GOLGA4: variants seen among roughly 807,000 people sequenced by gnomAD.
GOLGA4 encodes the protein golgin subfamily A member 4.
In GOLGA4, 169 loss-of-function variants were observed where a neutral mutation model predicts 265.9. The observed-to-expected ratio is 0.64, with a 90% confidence interval of 0.56 to 0.72. The LOEUF (loss-of-function observed/expected upper bound fraction) is 0.72, where lower values mean the gene tolerates loss of function less well. Among genes scored for constraint, GOLGA4 ranks in the 30% least tolerant of loss-of-function variants. GOLGA4 has a pLI of 0.00. For missense variants in GOLGA4, 2,482 were observed against 2,483.4 expected, an observed-to-expected ratio of 1.00 and a Z score of 0.01; for synonymous variants, 923 against 855.8, an observed-to-expected ratio of 1.08 and a Z score of -1.37.
chr3:37,345,646 A>G (rs556044780), intron 20 of GOLGA4, among the ~76,000 whole-genome samples: 1 of 152,334 alleles, frequency 6.6e-6, no homozygotes, highest in East Asian at 1.9e-4. Flanking sequence ...TCAAGAAGAG[A>G]CACAAGTATT....
At chr3:37,335,221 T>C in intron 17 of GOLGA4, 55 bp downstream of exon 17, 1 of 920,944 alleles carries the variant, frequency 1.1e-6, no homozygotes, top group Non-Finnish European at 1.7e-6. Flanking sequence ...GTCATTTCTG[T>C]GATTTGACTA....
At chr3:37,281,846 G>T (rs969056110) in intron 2 of GOLGA4, 112 bp from the exon 3 acceptor site, 10 of 775,330 alleles carry the variant, frequency 1.3e-5, no homozygotes, top group African/African-American at 1.7e-5. Flanking sequence ...AAAATGTCAG[G>T]AATATAAATT....
At chr3:37,311,549 TATC>T (rs2096923188) in intron 10 of GOLGA4, among the ~76,000 whole-genome samples, 1 of 152,228 alleles carries the variant, frequency 6.6e-6, no homozygotes, top group South Asian at 2.1e-4. Context: ...TTTAAAGTTC[TATC>T]ATCAGGCTTA....
At chr3:37,345,972 A>G (rs1578820222) in intron 20 of GOLGA4, among the ~76,000 whole-genome samples, 1 of 152,084 alleles carries the variant, frequency 6.6e-6, no homozygotes, top group Non-Finnish European at 1.5e-5. Context: ...TAATCTGCCT[A>G]TTTAATAAAA....
chr3:37,330,545 G>A (rs1408106405), intron 16 of GOLGA4, among the ~76,000 whole-genome samples: 1 of 152,156 alleles, frequency 6.6e-6, no homozygotes, highest in Non-Finnish European at 1.5e-5. Context: ...ACAGGTTACC[G>A]TATACCCTTT....
chr3:37,278,183 T>C (rs1159060609), intron 2 of GOLGA4, among the ~76,000 whole-genome samples: 1 of 151,992 alleles, frequency 6.6e-6, no homozygotes, highest in Non-Finnish European at 1.5e-5. Context: ...AGAGTATGAT[T>C]TAAAATGCAT....
intron 21 of GOLGA4, among the ~76,000 whole-genome samples, chr3:37,351,205 C>T (rs576636298): frequency 6.6e-6 from 1 of 152,260 alleles, no homozygotes; most frequent in African/African-American, 2.4e-5. Context: ...GGAGTAGATT[C>T]CATCTCAAGA....
At chr3:37,359,923 G>C (rs1179908877) in intron 22 of GOLGA4, among the ~76,000 whole-genome samples, 1 of 152,098 alleles carries the variant, frequency 6.6e-6, no homozygotes, top group Non-Finnish European at 1.5e-5. Flanking sequence ...TTGTTTTCTT[G>C]AGATTGGTTT....
At chr3:37,273,826 TG>T (rs2096805578) in intron 2 of GOLGA4, among the ~76,000 whole-genome samples, 2 of 152,168 alleles carry the variant, frequency 1.3e-5, no homozygotes, top group Non-Finnish European at 2.9e-5. Flanking sequence ...GGCCAGGCAC[TG>T]TGGCTCCCGC....
rs1194248800 is a variant in GOLGA4 at position 37,286,172 on chromosome 3, A to G, written c.525+111A>G. 31 of 467,196 alleles carry G rather than the reference A, an allele frequency of 6.6e-5. No individual in the cohort carries two copies. In the Middle Eastern group the frequency reaches 1.9e-3, roughly 29 times the overall value. The allele number at this position is 467,196 out of a possible 1,614,324, so 28.9% of individuals were successfully genotyped here. On this transcript the variant is annotated intron_variant, in intron 4 of 23. Coordinates refer to ENST00000361924, the MANE Select transcript of GOLGA4 (RefSeq NM_002078.5). The stretch of plus-strand genomic sequence containing the variant: ...TTTTTTTTTTTTTTTTTTGAGACGG[A>G]GTCTCGCTCTGTCGCCCAGGCTGGA...
At chr3:37,308,079 A>AC (rs1176085642) in intron 10 of GOLGA4, among the ~76,000 whole-genome samples, 10 of 152,108 alleles carry the variant, frequency 6.6e-5, no homozygotes, top group Non-Finnish European at 8.8e-5. Context: ...CTAAAAATAT[A>AC]AAAATTAGCC....
At chr3:37,333,606 C>G (rs538083033) in intron 16 of GOLGA4, among the ~76,000 whole-genome samples, 4 of 152,202 alleles carry the variant, frequency 2.6e-5, no homozygotes, top group African/African-American at 9.6e-5. Context: ...TTCTTTCAAA[C>G]AAGGCTAAAC....
Position 37,302,226 on chromosome 3 carries a change from C to G in GOLGA4, c.1128C>G (p.Thr376=). The change falls in exon 10 of 24, where the codon ACC becomes ACG. Residue 376 remains threonine (T), a synonymous_variant. Transcript: ENST00000361924. ...IAETKRQMHE[T]LEMKEEEIAQ... Reference sequence around the variant, plus strand: ...AGACAAAACGTCAGATGCATGAAACCCTGGAAATGAAAGAAGAAGAAATTG... The same window carrying G: ...AGACAAAACGTCAGATGCATGAAACGCTGGAAATGAAAGAAGAAGAAATTG... The G allele has an allele frequency of 1.2e-6, 2 of 1,613,170 alleles. No homozygotes were observed. Among genetic ancestry groups the G allele is most frequent in the Non-Finnish European group, 1.7e-6 (2 of 1,179,234 alleles).
intron 23 of GOLGA4, among the ~76,000 whole-genome samples, chr3:37,364,015 G>A (rs1036932180): frequency 6.6e-6 from 1 of 152,060 alleles, no homozygotes; most frequent in Non-Finnish European, 1.5e-5. Context: ...AGGTTCCTAG[G>A]ACCAACATGA....
chr3:37,244,118 C>A, intron 1 of GOLGA4: 1 of 153,618 alleles, frequency 6.5e-6, no homozygotes, highest in East Asian at 1.9e-4. Flanking sequence ...TCTCCTAATT[C>A]CAAACCCAGG....
intron 1 of GOLGA4, 154 bp downstream of exon 1, chr3:37,243,776 G>C (rs1317249490): frequency 1.6e-6 from 1 of 624,212 alleles, no homozygotes; most frequent in South Asian, 2.0e-5. Flanking sequence ...AGCTCCGGGC[G>C]GTGCAGGTCG....
chr3:37,340,800 T>TA (rs2097031081), intron 20 of GOLGA4, among the ~76,000 whole-genome samples: 1 of 152,230 alleles, frequency 6.6e-6, no homozygotes, highest in South Asian at 2.1e-4. Context: ...GGAGGCTGAA[T>TA]AGTATTCCAT....
At chr3:37,365,523 C>T (rs1300872554) in intron 23 of GOLGA4, among the ~76,000 whole-genome samples, 2 of 152,100 alleles carry the variant, frequency 1.3e-5, no homozygotes, top group Non-Finnish European at 2.9e-5. Flanking sequence ...CCACCTTGGC[C>T]TTCCAAAGTG....
chr3:37,287,331 A>C (rs929727083), intron 4 of GOLGA4, among the ~76,000 whole-genome samples: 5 of 152,164 alleles, frequency 3.3e-5, no homozygotes, highest in African/African-American at 9.7e-5. Flanking sequence ...ACAGAGCAAG[A>C]CTCCGTCTCA....
Sources: gnomAD v4.1 joint callset for allele counts (sites outside exome capture counted in the v4.1 genomes callset) on GRCh38, gnomAD v4.1.1 for gene constraint, MANE v1.5 for transcripts, NCBI Gene and HGNC (gene_info 2026-07-23, HGNC 2026-07-21) for gene names.